CAST: variants seen among roughly 807,000 people sequenced by gnomAD.
CAST encodes MIR583 host.
In CAST, 76 loss-of-function variants were observed where a neutral mutation model predicts 119.6. The observed-to-expected ratio is 0.64, with a 90% CI of 0.53 to 0.77. The LOEUF (loss-of-function observed/expected upper bound fraction) is 0.77. CAST is among the 30% of genes least tolerant of loss of function. The pLI, the probability that CAST is intolerant of heterozygous loss-of-function variation, is 0.00. For synonymous variants in CAST, 319 were observed against 331.6 expected (o/e 0.96, Z 0.41); for missense variants, 953 against 946.5 (o/e 1.01, Z -0.09).
chr5:96,117,491 T>C, the CAST span, among the ~76,000 whole-genome samples: 1 of 152,184 alleles, frequency 6.6e-6, no homozygotes, highest in Non-Finnish European at 1.5e-5. Context: ...AGTTCGACAA[T>C]AAATGGTATT....
the CAST span, among the ~76,000 whole-genome samples, chr5:96,221,997 A>C: frequency 1.3e-5 from 2 of 152,182 alleles, no homozygotes; most frequent in African/African-American, 2.4e-5. Flanking sequence ...TGCCAAGAAC[A>C]TACACTGGGG....
chr5:96,496,612 G>A, the CAST span, among the ~76,000 whole-genome samples: 1 of 152,296 alleles, frequency 6.6e-6, no homozygotes, highest in Admixed American at 6.5e-5. Flanking sequence ...TAAGACAAAT[G>A]CTGTCCAAGG....
At chr5:96,100,705 C>T in the CAST span, among the ~76,000 whole-genome samples, 2 of 152,112 alleles carry the variant, frequency 1.3e-5, no homozygotes, top group Non-Finnish European at 2.9e-5. Flanking sequence ...GTATAGTAAT[C>T]CCTCAGTATC....
the CAST span, among the ~76,000 whole-genome samples, chr5:96,418,745 T>C: frequency 6.6e-6 from 1 of 152,222 alleles, no homozygotes; most frequent in African/African-American, 2.4e-5. Context: ...ATCTACTTTT[T>C]ATTATACCTT....
At chr5:96,306,405 C>T in the CAST span, among the ~76,000 whole-genome samples, 1,398 of 151,650 alleles carry the variant, frequency 9.2e-3, 25 homozygotes, top group African/African-American at 0.033. Context: ...CAACTCCTGG[C>T]CTCACTGACT....
At chr5:96,196,676 A>G in the CAST span, among the ~76,000 whole-genome samples, 4 of 152,218 alleles carry the variant, frequency 2.6e-5, no homozygotes, top group African/African-American at 9.6e-5. Flanking sequence ...GCACCGTTAC[A>G]ATAAAAAAGT....
chr5:96,485,425 G>T, the CAST span, among the ~76,000 whole-genome samples: 1 of 152,052 alleles, frequency 6.6e-6, no homozygotes, highest in Non-Finnish European at 1.5e-5. Context: ...AACATAATCA[G>T]CTTGCAATTT....
the CAST span, chr5:96,111,109 C>T: frequency 3.9e-5 from 6 of 152,190 alleles, no homozygotes; most frequent in Non-Finnish European, 7.4e-5. Flanking sequence ...ATACTTCTGA[C>T]CTGGCTACGT....
intron 19 of CAST, among the ~76,000 whole-genome samples, chr5:96,750,195 A>C (rs1471349185): frequency 6.6e-6 from 1 of 152,242 alleles, no homozygotes; most frequent in Non-Finnish European, 1.5e-5. Flanking sequence ...CAAATAAATA[A>C]TAGAAATAAT....
At chr5:96,650,330 A>G (rs2150204866) in intron 1 of CAST, among the ~76,000 whole-genome samples, 1 of 152,304 alleles carries the variant, frequency 6.6e-6, no homozygotes, top group African/African-American at 2.4e-5. Context: ...GATGATGTCA[A>G]CAATGAAAGC....
At chr5:96,404,423 A>G in the CAST span, among the ~76,000 whole-genome samples, 1 of 152,222 alleles carries the variant, frequency 6.6e-6, no homozygotes, top group Non-Finnish European at 1.5e-5. Flanking sequence ...ATATGCTGGT[A>G]CTTGAGAAAC....
chr5:96,477,317 C>T, the CAST span, among the ~76,000 whole-genome samples: 1 of 152,132 alleles, frequency 6.6e-6, no homozygotes, highest in South Asian at 2.1e-4. Flanking sequence ...CACACACACA[C>T]ACACACACAC....
chr5:96,108,805 A>G, the CAST span, among the ~76,000 whole-genome samples: 4 of 152,232 alleles, frequency 2.6e-5, no homozygotes, highest in South Asian at 2.1e-4. Context: ...GGGCAATGGC[A>G]GGCGCCCCTC....
At chr5:96,286,061 C>A in the CAST span, among the ~76,000 whole-genome samples, 1 of 152,314 alleles carries the variant, frequency 6.6e-6, no homozygotes, top group South Asian at 2.1e-4. Context: ...AGAGCAGTCT[C>A]ACCTAAGAGG....
the CAST span, among the ~76,000 whole-genome samples, chr5:96,496,690 C>T: frequency 6.6e-6 from 1 of 152,194 alleles, no homozygotes; most frequent in African/African-American, 2.4e-5. Flanking sequence ...CACTGTGAAA[C>T]ATCTATTATC....
chr5:96,358,249 C>G, the CAST span, among the ~76,000 whole-genome samples: 2 of 151,954 alleles, frequency 1.3e-5, no homozygotes, highest in Non-Finnish European at 2.9e-5. Context: ...GGCTGGTGGT[C>G]TATCTATTTT....
chr5:96,065,316 G>A, the CAST span, among the ~76,000 whole-genome samples: 1 of 151,732 alleles, frequency 6.6e-6, no homozygotes, highest in Non-Finnish European at 1.5e-5. Flanking sequence ...CTTTAATGTT[G>A]TGAGGAAAAA....
chr5:96,096,775 T>A, the CAST span, among the ~76,000 whole-genome samples: 2 of 152,134 alleles, frequency 1.3e-5, no homozygotes, highest in Non-Finnish European at 2.9e-5. Flanking sequence ...TAGTTTTGGT[T>A]GGGTCCAGCA....
At chr5:96,680,592 G>A (rs908578970) in intron 2 of CAST, among the ~76,000 whole-genome samples, 3 of 151,842 alleles carry the variant, frequency 2.0e-5, no homozygotes, top group African/African-American at 7.3e-5. Context: ...GATAAATAAT[G>A]TGCTTTGTGA....
Sources: gnomAD v4.1 joint callset for allele counts (sites outside exome capture counted in the v4.1 genomes callset) on GRCh38, gnomAD v4.1.1 for gene constraint, MANE v1.5 for transcripts, NCBI Gene and HGNC (gene_info 2026-07-23, HGNC 2026-07-21) for gene names.